The following TENT4A variants were observed in gnomAD, a reference collection of about 807,000 sequenced individuals.
TENT4A encodes the protein DNA polymerase kappa.
In TENT4A, 7 loss-of-function variants were observed where a neutral mutation model predicts 72.8. The observed-to-expected ratio is 0.10, with a 90% confidence interval of 0.05 to 0.18. The LOEUF is 0.18. Ranked by LOEUF, TENT4A falls within the 10% of genes least tolerant of loss-of-function variation. TENT4A has a pLI of 1.00. For synonymous variants in TENT4A, 456 were observed against 434.3 expected (o/e 1.05, Z -0.62); for missense variants, 831 against 1,017.7 (o/e 0.82, Z 2.50).
At chr5:6,733,127 A>G (rs1741291627) in intron 1 of TENT4A, among the ~76,000 whole-genome samples, 1 of 152,136 alleles carries the variant, frequency 6.6e-6, no homozygotes, top group Non-Finnish European at 1.5e-5. Flanking sequence ...TTCCTGGGCC[A>G]CTCACAGCCC....
chr5:6,748,741 A>G, intron 8 of TENT4A, 151 bp downstream of exon 8: 2 of 784,456 alleles, frequency 2.5e-6, no homozygotes, highest in Non-Finnish European at 2.0e-6. Context: ...AAGGCCTTCT[A>G]GGAATATGGG....
At chr5:6,720,565 A>C (rs754720802) in intron 1 of TENT4A, among the ~76,000 whole-genome samples, 6 of 151,764 alleles carry the variant, frequency 4.0e-5, no homozygotes, top group Non-Finnish European at 5.9e-5. Context: ...TTGCAGGACT[A>C]CTCGGGAGGC....
intron 12 of TENT4A, among the ~76,000 whole-genome samples, chr5:6,753,385 A>G (rs1742518401): frequency 6.6e-6 from 1 of 152,250 alleles, no homozygotes; most frequent in African/African-American, 2.4e-5. Context: ...AGCAAATGAT[A>G]AAACCAAGAG....
chr5:6,733,564 G>A (rs552401985), intron 1 of TENT4A, among the ~76,000 whole-genome samples: 1 of 152,378 alleles, frequency 6.6e-6, no homozygotes, highest in South Asian at 2.1e-4. Flanking sequence ...TCTGTGGATA[G>A]GAGACTTTAG....
At chr5:6,727,944 C>G (rs925674332) in intron 1 of TENT4A, among the ~76,000 whole-genome samples, 1 of 152,204 alleles carries the variant, frequency 6.6e-6, no homozygotes, top group African/African-American at 2.4e-5. Context: ...TGGCTTACAT[C>G]TTTGGATCCA....
At chr5:6,718,418 G>A (rs76605890) in intron 1 of TENT4A, among the ~76,000 whole-genome samples, 6,238 of 152,286 alleles carry the variant, frequency 0.041, 162 homozygotes, top group South Asian at 0.097. Flanking sequence ...TGCAGAGCAC[G>A]GGAGGCATCA....
chr5:6,748,548 T>C lies in TENT4A; in HGVS notation c.1544T>C (p.Val515Ala). The change falls in exon 8 of 13, where the codon GTG (valine) becomes GCG (alanine). Residue 515 changes from valine (V) to alanine (A), a missense_variant. By Grantham distance (64) the Val-to-Ala change is moderately conservative. This residue lies in a region of TENT4A where 197 missense variants were observed against 399.6 expected (regional missense o/e 0.49). Coordinates refer to ENST00000230859, the MANE Select transcript of TENT4A (RefSeq NM_006999.6). Reference sequence around the variant, plus strand: ...GCCTACATAGTGCTCAGCCATGCTGTGTCACCGCTGGCCAGGTCCTATCCA... The same window carrying C: ...GCCTACATAGTGCTCAGCCATGCTGCGTCACCGCTGGCCAGGTCCTATCCA... The part of the protein sequence containing the change: ...DYAYIVLSHA[V>A]SPLARSYPNR... 1 of 1,614,022 alleles carries C rather than the reference T, an allele frequency of 6.2e-7. No homozygotes were observed. The highest frequency in any genetic ancestry group is 8.5e-7 in the Non-Finnish European group (1 of 1,179,900).
At chr5:6,720,569 G>GGGAGGC (rs1469369975) in intron 1 of TENT4A, among the ~76,000 whole-genome samples, 8 of 151,904 alleles carry the variant, frequency 5.3e-5, no homozygotes, top group Non-Finnish European at 1.2e-4. Flanking sequence ...AGGACTACTC[G>GGGAGGC]GGAGGCAGAG....
intron 1 of TENT4A, among the ~76,000 whole-genome samples, chr5:6,736,517 A>G (rs754903448): frequency 6.6e-6 from 1 of 152,170 alleles, no homozygotes; most frequent in African/African-American, 2.4e-5. Context: ...GGTGAGTTTG[A>G]TTTGTTATAA....
In TENT4A at chr5:6,748,479, G is replaced by A. The variant is rs1742225655; in HGVS notation, c.1475G>A (p.Arg492Gln). Residue 492 changes from arginine (R) to glutamine (Q), a missense_variant, in exon 8 of 13, where the codon CGG becomes CAG. This residue lies in a region of TENT4A where 197 missense variants were observed against 399.6 expected (regional missense o/e 0.49). Coordinates refer to ENST00000230859, the MANE Select transcript of TENT4A (RefSeq NM_006999.6). ...TTTGCTGCAGGGAATGACGTTGGCC[G>A]GAGCTCCTATGGCGCCATGCAGGTG... ...DPLLPGNDVG[R>Q]SSYGAMQVKQ... 2 of 1,613,926 alleles carry A rather than the reference G, an allele frequency of 1.2e-6. No homozygotes were observed. The highest frequency in any genetic ancestry group is 1.3e-5 in the African/African-American group (1 of 74,898).
intron 7 of TENT4A, among the ~76,000 whole-genome samples, chr5:6,748,252 G>C (rs1742213035): frequency 6.6e-6 from 1 of 152,252 alleles, no homozygotes; most frequent in Admixed American, 6.5e-5. Flanking sequence ...GGCACTCACA[G>C]ACTGTGCCCT....
chr5:6,737,653 T>C lies in TENT4A; in HGVS notation c.840+20T>C, dbSNP rs1258026538. The C allele has an allele frequency of 6.2e-7, 1 of 1,609,952 alleles. No homozygotes were observed. The highest frequency in any genetic ancestry group is 2.2e-5 in the East Asian group (1 of 44,808). On this transcript the variant is annotated intron_variant, in intron 2 of 12. Transcript: ENST00000230859. The stretch of plus-strand genomic sequence containing the variant: ...GCTGATGTGAGTATGTTCTTTGGAG[T>C]TCTGTGTCGCACGTCACGTGCGAGT...
intron 1 of TENT4A, among the ~76,000 whole-genome samples, chr5:6,721,961 C>T (rs534675296): frequency 2.6e-5 from 4 of 152,184 alleles, no homozygotes; most frequent in South Asian, 2.1e-4. Context: ...GGAATCCTGT[C>T]GATCTGAAGG....
intron 4 of TENT4A, 103 bp from the exon 5 acceptor site, chr5:6,742,387 T>C: frequency 1.4e-6 from 1 of 725,796 alleles, no homozygotes; most frequent in Non-Finnish European, 2.4e-6. Context: ...CTTTCATTAC[T>C]AAGAAAAAAC....
At chr5:6,733,291 G>T (rs769325157) in intron 1 of TENT4A, among the ~76,000 whole-genome samples, 1 of 152,250 alleles carries the variant, frequency 6.6e-6, no homozygotes, top group Non-Finnish European at 1.5e-5. Flanking sequence ...GGATGGTCAG[G>T]CCGCCTCTTG....
intron 6 of TENT4A, chr5:6,745,830 T>G (rs2126647195): frequency 3.2e-6 from 1 of 317,300 alleles, no homozygotes; most frequent in Non-Finnish European, 5.9e-6. Flanking sequence ...CCCTGTTGGT[T>G]GTGCTTCAGC....
chr5:6,723,264 C>T (rs1482308121), intron 1 of TENT4A, among the ~76,000 whole-genome samples: 1 of 152,320 alleles, frequency 6.6e-6, no homozygotes, highest in African/African-American at 2.4e-5. Context: ...CATGGAGCAA[C>T]TGTTATGACC....
In TENT4A at chr5:6,714,325, C is replaced by G. The variant is rs939760618; in HGVS notation, c.342C>G (p.Ser114=). The change falls in exon 1 of 13, where the codon TCC becomes TCG. Residue 114 remains serine, a synonymous_variant. Coordinates refer to ENST00000230859, the MANE Select transcript of TENT4A (RefSeq NM_006999.6). ...KSPSLSSSSS[S]SSSNAESGTE... Reference sequence around the variant, plus strand: ...CGTCGCTGTCGTCCTCGTCGTCGTCCTCCTCGTCCAACGCGGAGTCGGGCA... The same window carrying G: ...CGTCGCTGTCGTCCTCGTCGTCGTCGTCCTCGTCCAACGCGGAGTCGGGCA... 141 of 1,121,016 alleles carry G rather than the reference C, an allele frequency of 1.3e-4. No individual in the cohort carries two copies. The African/African-American group carries it at 1.6e-3, about 13-fold the overall frequency. 69.4% of individuals were successfully genotyped at this position (1,121,016 alleles called of 1,614,324 possible).
intron 6 of TENT4A, among the ~76,000 whole-genome samples, chr5:6,744,104 G>A (rs2291705): frequency 0.068 from 10,311 of 152,184 alleles, 494 homozygotes; most frequent in African/African-American, 0.13. Context: ...CCAAGCTCAG[G>A]GAATTCTCTG....
Sources: gnomAD v4.1 joint callset for allele counts (sites outside exome capture counted in the v4.1 genomes callset) on GRCh38, gnomAD v4.1.1 for gene constraint, gnomAD v4.1.1 regional missense constraint, MANE v1.5 for transcripts, NCBI Gene and HGNC (gene_info 2026-07-23, HGNC 2026-07-21) for gene names.